The following ITGAE variants were observed in gnomAD, a reference collection of about 807,000 sequenced individuals.
ITGAE encodes the protein integrin subunit alpha E, also known as integrin alpha-E.
Under a neutral mutation model 136.5 loss-of-function variants are expected in ITGAE, and 99 were observed. The ratio of observed to expected loss-of-function variants is 0.73; its 90% CI spans 0.62 to 0.86. ITGAE has a LOEUF of 0.86. ITGAE is among the 40% of genes least tolerant of loss of function. The pLI, the probability that ITGAE is intolerant of heterozygous loss-of-function variation, is 0.00. For missense variants in ITGAE, 1,447 were observed against 1,515.3 expected (o/e 0.95, Z 0.75); for synonymous variants, 613 against 591.8 (o/e 1.04, Z -0.52).
At chr17:3,723,860 C>A in intron 26 of ITGAE, 116 bp from the exon 27 acceptor site, 2 of 1,519,808 alleles carry the variant, frequency 1.3e-6, no homozygotes, top group Non-Finnish European at 8.8e-7. Flanking sequence ...GCTAGGACCC[C>A]GCGGCAGGCG....
intron 8 of ITGAE, among the ~76,000 whole-genome samples, chr17:3,759,017 C>T (rs147451461): frequency 6.6e-6 from 1 of 150,460 alleles, no homozygotes; most frequent in African/African-American, 2.4e-5. Context: ...CCCAGCTACT[C>T]GGGAGGCTGA....
chr17:3,739,530 G>A (rs1486651129), intron 20 of ITGAE, among the ~76,000 whole-genome samples: 2 of 152,174 alleles, frequency 1.3e-5, no homozygotes. Flanking sequence ...CATTGTCCGG[G>A]ATGTCAAGAG....
In ITGAE at chr17:3,734,772, GGAGGGGCGT is replaced by G. The variant is rs1455616234; in HGVS notation, c.2655+36_2655+44del. ...CACAGAAAAGCAGGCATGCAGCGAGGGAGGGGCGTGAGGGACCTGTTTCCACAGCCACCG... is the reference window on the plus strand; with the variant it reads ...CACAGAAAAGCAGGCATGCAGCGAGGGAGGGACCTGTTTCCACAGCCACCG... On this transcript the variant is annotated intron_variant, in intron 21 of 30. Coordinates refer to ENST00000263087, the MANE Select transcript of ITGAE (RefSeq NM_002208.5). 4 of 1,610,932 alleles carry G rather than the reference GGAGGGGCGT, an allele frequency of 2.5e-6. No individual in the cohort carries two copies. In the African/African-American group the frequency reaches 5.3e-5, roughly 22 times the overall value.
At chr17:3,751,506 G>T (rs980221331) in intron 15 of ITGAE, 144 bp downstream of exon 15, 5 of 697,640 alleles carry the variant, frequency 7.2e-6, no homozygotes, top group Non-Finnish European at 1.2e-5. Context: ...CCCTAGCCTG[G>T]GGGACTTCTT....
intron 2 of ITGAE, among the ~76,000 whole-genome samples, chr17:3,774,518 C>T (rs2052496259): frequency 1.3e-5 from 2 of 152,280 alleles, no homozygotes; most frequent in South Asian, 4.1e-4. Context: ...AATCCCAGCA[C>T]TTTGGGAGGC....
intron 29 of ITGAE, 80 bp downstream of exon 29, chr17:3,720,227 G>T: frequency 1.4e-6 from 1 of 704,784 alleles, no homozygotes; most frequent in South Asian, 1.6e-5. Context: ...CAGGAAGAGG[G>T]CAACAGAATG....
intron 20 of ITGAE, among the ~76,000 whole-genome samples, chr17:3,738,087 C>T (rs987452631): frequency 1.9e-4 from 29 of 152,182 alleles, no homozygotes; most frequent in South Asian, 6.2e-4. Context: ...TCCCCATATA[C>T]GGCAACTCCA....
At chr17:3,800,868 A>G (rs2053241014) in intron 1 of ITGAE, among the ~76,000 whole-genome samples, 1 of 152,176 alleles carries the variant, frequency 6.6e-6, no homozygotes, top group Non-Finnish European at 1.5e-5. Flanking sequence ...AGAATGGCAG[A>G]GCCCTGGAGT....
At chr17:3,728,643 G>A (rs2051272031) in intron 24 of ITGAE, among the ~76,000 whole-genome samples, 1 of 150,294 alleles carries the variant, frequency 6.7e-6, no homozygotes, top group African/African-American at 2.5e-5. Flanking sequence ...AAAGTGCTGG[G>A]ATGACAGGCG....
chr17:3,745,953 G>A lies in ITGAE; in HGVS notation c.2156-26C>T, dbSNP rs182899262. The A allele has an allele frequency of 3.4e-3, 5,483 of 1,604,572 alleles. 15 individuals are homozygous for A. The highest frequency in any genetic ancestry group is 4.2e-3 in the Non-Finnish European group (4,973 of 1,174,838). ...CTGGGAATGAAGACCAGACCTTCCC[G>A]ATGAGGTGGGGATGAGCCAGCCGCA... On this transcript the variant is annotated intron_variant, in intron 17 of 30. Transcript: ENST00000263087.
chr17:3,746,812 C>T (rs1160267283), intron 17 of ITGAE, among the ~76,000 whole-genome samples: 1 of 152,130 alleles, frequency 6.6e-6, no homozygotes, highest in Non-Finnish European at 1.5e-5. Context: ...AGGATGGTCT[C>T]GATCTCCTGA....
At chr17:3,718,070 A>G (rs772763661) in intron 29 of ITGAE, 2 of 152,234 alleles carry the variant, frequency 1.3e-5, no homozygotes, top group African/African-American at 2.4e-5. Flanking sequence ...GGGAGAAGCA[A>G]GGCACCGGGT....
At chr17:3,761,857 C>T (rs757484500) in intron 4 of ITGAE, 58 bp downstream of exon 4, 3 of 1,474,944 alleles carry the variant, frequency 2.0e-6, no homozygotes, top group Non-Finnish European at 2.8e-6. Flanking sequence ...CCAGGGTCAA[C>T]CACGAGGGCT....
At chr17:3,743,446 T>C (rs1359947566) in intron 19 of ITGAE, 43 bp downstream of exon 19, 3 of 1,529,044 alleles carry the variant, frequency 2.0e-6, no homozygotes, top group Non-Finnish European at 2.6e-6. Context: ...TTCTGTGGGA[T>C]AGGCTCTTAA....
rs759720709 is a variant in ITGAE, at chr17:3,784,403, C to CTT, written c.35-6745_35-6744dup. ...CAACAATGGAAAAAGAAACATTTTTCTTTTTTTTTTGAGACGGAGTCTGGC... is the reference window on the plus strand; with the variant it reads ...CAACAATGGAAAAAGAAACATTTTTCTTTTTTTTTTTTGAGACGGAGTCTGGC... On this transcript the variant is annotated intron_variant, in intron 1 of 30. Coordinates refer to ENST00000263087, the MANE Select transcript of ITGAE (RefSeq NM_002208.5). The CTT allele has an allele frequency of 1.0e-3, 238 of 231,096 alleles. 3 individuals carry two copies. The highest frequency in any genetic ancestry group is 6.0e-3 in the Middle Eastern group (13 of 2,168). The allele number at this position is 231,096 out of a possible 1,614,324, so 14.3% of individuals were successfully genotyped here. A position where few individuals can be genotyped will look rare whatever the true frequency, so the allele number is the denominator to read the frequency against.
At position 3,801,151 on chromosome 17, in the gene ITGAE, T is replaced by C; in HGVS notation, c.-7A>G. On this transcript the variant is annotated 5_prime_UTR_variant, in exon 1 of 31. Coordinates refer to ENST00000263087, the MANE Select transcript of ITGAE (RefSeq NM_002208.5). ...GAGTGTGGAAGAGCCACATCCTTGC[T>C]GGAGCAGAGGCGGCTGTGTGGGAGC... 2.5e-6 allele frequency: 4 copies of C among 1,611,084 alleles called. No individual in the cohort carries two copies. Among genetic ancestry groups the C allele is most frequent in the Non-Finnish European group, 3.4e-6 (4 of 1,179,996 alleles).
intron 29 of ITGAE, 58 bp downstream of exon 29, chr17:3,720,249 G>A: frequency 5.0e-6 from 4 of 805,948 alleles, no homozygotes; most frequent in South Asian, 1.4e-5. Flanking sequence ...CTGTGGAGGT[G>A]CTCAAAGGTT....
chr17:3,736,851 T>C (rs112747242), intron 20 of ITGAE, among the ~76,000 whole-genome samples: 1 of 149,812 alleles, frequency 6.7e-6, no homozygotes, highest in Non-Finnish European at 1.5e-5. Flanking sequence ...TAGGAAGTAA[T>C]GTGAGGTGTG....
At chr17:3,737,293 A>C (rs971644873) in intron 20 of ITGAE, among the ~76,000 whole-genome samples, 1 of 148,118 alleles carries the variant, frequency 6.8e-6, no homozygotes, top group African/African-American at 2.4e-5. Context: ...ACCCTGTCTC[A>C]AAAGAAGAAG....
Sources: gnomAD v4.1 joint callset for allele counts (sites outside exome capture counted in the v4.1 genomes callset) on GRCh38, gnomAD v4.1.1 for gene constraint, MANE v1.5 for transcripts, NCBI Gene and HGNC (gene_info 2026-07-23, HGNC 2026-07-21) for gene names.